Variants in TOX3 observed in about 807,000 individuals in gnomAD.
The protein encoded by TOX3 is TOX high mobility group box family member 3.
Under a neutral mutation model 64.3 loss-of-function variants are expected in TOX3, and 22 were observed. The ratio of observed to expected loss-of-function variants is 0.34; its 90% CI spans 0.24 to 0.49. TOX3 has a LOEUF of 0.49. TOX3 is among the 20% of genes least tolerant of loss of function. The pLI is 0.99. For missense variants in TOX3, 661 were observed against 714.4 expected (o/e 0.93, Z 0.85); for synonymous variants, 291 against 273.6 (o/e 1.06, Z -0.63).
At chr16:52,520,407 A>G (rs1962578511) in intron 1 of TOX3, among the ~76,000 whole-genome samples, 1 of 152,204 alleles carries the variant, frequency 6.6e-6, no homozygotes. Flanking sequence ...ACAACAAGCA[A>G]AAGCTGGGAA....
Position 52,464,020 on chromosome 16 carries a change from G to A in TOX3, c.322C>T (p.Pro108Ser), listed in dbSNP as rs1960778081. ...ATGGAAGGGAGGTCCAGGCTTTGAG[G>A]GGGAAACTGGGGTGTGAATTCACTT... is the stretch of plus-strand genomic sequence containing the variant. ...QGSEFTPQFP[P>S]QSLDLPSITI... The change falls in exon 3 of 7, where the codon CCT (proline) becomes TCT (serine). Residue 108 changes from proline to serine, a missense_variant. Physicochemically the swap from Pro to Ser is moderately conservative, Grantham distance 74. Coordinates refer to ENST00000219746, the MANE Select transcript of TOX3 (RefSeq NM_001080430.4). The A allele has an allele frequency of 6.3e-7, 1 of 1,599,986 alleles. No homozygotes were observed. Among genetic ancestry groups the A allele is most frequent in the African/African-American group, 1.3e-5 (1 of 74,504 alleles).
chr16:52,537,878 T>TAAAAA (rs57403617), intron 1 of TOX3, among the ~76,000 whole-genome samples: 104 of 110,770 alleles, frequency 9.4e-4, no homozygotes, highest in South Asian at 1.8e-3. Flanking sequence ...GCTGATATGA[T>TAAAAA]AAAAAAAAAA....
intron 1 of TOX3, among the ~76,000 whole-genome samples, chr16:52,529,004 C>T (rs777276197): frequency 1.2e-4 from 19 of 152,180 alleles, no homozygotes; most frequent in Non-Finnish European, 2.6e-4. Flanking sequence ...ACATGTGGAC[C>T]AGACAACAAC....
chr16:52,440,263 G>A (rs974603106), intron 6 of TOX3, among the ~76,000 whole-genome samples: 1 of 152,158 alleles, frequency 6.6e-6, no homozygotes, highest in African/African-American at 2.4e-5. Context: ...CCATGTGCAT[G>A]ATGACAGACA....
intron 3 of TOX3, among the ~76,000 whole-genome samples, chr16:52,453,097 C>T (rs970595400): frequency 5.9e-5 from 9 of 152,168 alleles, no homozygotes; most frequent in African/African-American, 1.9e-4. Flanking sequence ...GTAACCACTG[C>T]TCACTGACAT....
chr16:52,497,152 TATTCTGAAA>T (rs1961870680), intron 1 of TOX3, among the ~76,000 whole-genome samples: 1 of 152,178 alleles, frequency 6.6e-6, no homozygotes, highest in Non-Finnish European at 1.5e-5. Flanking sequence ...AAAGGGGAAT[TATTCTGAAA>T]ATCAGCAATA....
In TOX3 at chr16:52,437,904, A is replaced by G. The variant is rs183317995; in HGVS notation, c.*1321T>C. The G allele has an allele frequency of 6.6e-6, 1 of 152,548 alleles. No homozygotes were observed. Among genetic ancestry groups the G allele is most frequent in the African/African-American group, 2.4e-5 (1 of 41,428 alleles). The allele number at this position is 152,548 out of a possible 1,614,324, so 9.4% of individuals were successfully genotyped here. On this transcript the variant is annotated 3_prime_UTR_variant, in exon 7 of 7. Coordinates refer to ENST00000219746, the MANE Select transcript of TOX3 (RefSeq NM_001080430.4). ...GCAATGCATATTCTTGGCCATAAAT[A>G]TCATATTTCCAATTGAAAAATGGAA...
intron 3 of TOX3, among the ~76,000 whole-genome samples, chr16:52,456,581 A>C (rs1331991685): frequency 2.0e-5 from 3 of 152,300 alleles, no homozygotes; most frequent in Non-Finnish European, 4.4e-5. Flanking sequence ...TGTCTTTTTT[A>C]AACAGGAAAA....
chr16:52,526,218 C>T (rs1057030389), intron 1 of TOX3, among the ~76,000 whole-genome samples: 18 of 152,046 alleles, frequency 1.2e-4, no homozygotes, highest in African/African-American at 3.6e-4. Flanking sequence ...GAATGTCCAG[C>T]GAAAGCTTCA....
intron 3 of TOX3, among the ~76,000 whole-genome samples, chr16:52,459,637 C>T (rs1038563491): frequency 1.3e-5 from 2 of 152,140 alleles, no homozygotes; most frequent in Non-Finnish European, 2.9e-5. Flanking sequence ...AGCTCCCCAG[C>T]CTCTATTGAC....
intron 1 of TOX3, among the ~76,000 whole-genome samples, chr16:52,471,531 T>C (rs1961045247): frequency 6.6e-6 from 1 of 152,138 alleles, no homozygotes; most frequent in African/African-American, 2.4e-5. Flanking sequence ...CAAAACCCCA[T>C]AGGTCCATGG....
At chr16:52,489,384 T>A (rs1349743172) in intron 1 of TOX3, among the ~76,000 whole-genome samples, 1 of 152,172 alleles carries the variant, frequency 6.6e-6, no homozygotes, top group Non-Finnish European at 1.5e-5. Context: ...CTTCCTCTAT[T>A]TAATGCGCTG....
In TOX3 at chr16:52,437,914, C is replaced by T. The variant is rs1959799036; in HGVS notation, c.*1311G>A. 6.6e-6 allele frequency: 1 copy of T among 151,644 alleles called. No homozygotes were observed. The highest frequency in any genetic ancestry group is 1.5e-5 in the Non-Finnish European group (1 of 67,892). 9.4% of individuals were successfully genotyped at this position (151,644 alleles called of 1,614,324 possible). On this transcript the variant is annotated 3_prime_UTR_variant, in exon 7 of 7. Transcript: ENST00000219746. ...TTCTTGGCCATAAATATCATATTTC[C>T]AATTGAAAAATGGAAGATGATGTTT...
chr16:52,459,644 T>C (rs532313390), intron 3 of TOX3, among the ~76,000 whole-genome samples: 1 of 152,320 alleles, frequency 6.6e-6, no homozygotes, highest in Non-Finnish European at 1.5e-5. Flanking sequence ...CAGCCTCTAT[T>C]GACAATGGCA....
rs1959847885 is a variant in TOX3, at chr16:52,439,165, T to C, written c.*60A>G. Reference sequence around the variant, plus strand: ...CCAACTTACAGGTTTCAGCCACATATGCTTTTCCCTCCTATGCCACTCTCC... The same window carrying C: ...CCAACTTACAGGTTTCAGCCACATACGCTTTTCCCTCCTATGCCACTCTCC... On this transcript the variant is annotated 3_prime_UTR_variant, in exon 7 of 7. Transcript: ENST00000219746. 1.9e-6 allele frequency: 3 copies of C among 1,608,726 alleles called. No homozygotes were observed. Among genetic ancestry groups the C allele is most frequent in the Non-Finnish European group, 1.7e-6 (2 of 1,177,370 alleles).
At chr16:52,506,275 G>A (rs1368643085) in intron 1 of TOX3, among the ~76,000 whole-genome samples, 1 of 152,112 alleles carries the variant, frequency 6.6e-6, no homozygotes, top group Non-Finnish European at 1.5e-5. Flanking sequence ...TTATACACAT[G>A]TCCAAAGGTC....
At chr16:52,501,617 G>A (rs914078486) in intron 1 of TOX3, among the ~76,000 whole-genome samples, 7 of 150,882 alleles carry the variant, frequency 4.6e-5, no homozygotes, top group African/African-American at 1.2e-4. Context: ...TCGACACCGC[G>A]CCACTGCACT....
At chr16:52,470,872 A>G (rs1374422983) in intron 1 of TOX3, among the ~76,000 whole-genome samples, 4 of 152,218 alleles carry the variant, frequency 2.6e-5, no homozygotes, top group Non-Finnish European at 5.9e-5. Flanking sequence ...ATGGCTTTTA[A>G]TTTGGAAACA....
At chr16:52,541,606 CA>C (rs1029624855) in intron 1 of TOX3, among the ~76,000 whole-genome samples, 7 of 152,190 alleles carry the variant, frequency 4.6e-5, no homozygotes, top group African/African-American at 1.7e-4. Flanking sequence ...GCAGATTAAA[CA>C]AATTTTCAAG....
Sources: allele counts gnomAD v4.1 joint callset (sites outside exome capture counted in the v4.1 genomes callset), GRCh38; gene constraint gnomAD v4.1.1; transcripts MANE v1.5; gene names NCBI Gene and HGNC (gene_info 2026-07-23, HGNC 2026-07-21).